The following FLNB variants were observed in gnomAD, a reference collection of about 807,000 sequenced individuals.
The protein encoded by FLNB is filamin B.
In FLNB, 111 loss-of-function variants were observed where a neutral mutation model predicts 250.6. The ratio of observed to expected loss-of-function variants is 0.44; its 90% CI spans 0.38 to 0.52. The LOEUF (loss-of-function observed/expected upper bound fraction) is 0.52. FLNB is among the 20% of genes least tolerant of loss of function. The pLI is 0.00. For synonymous variants in FLNB, 1,302 were observed against 1,372.1 expected (o/e 0.95, Z 1.13); for missense variants, 2,869 against 3,447.8 (o/e 0.83, Z 4.20).
At chr3:58,128,818 G>A (rs560441703) in intron 24 of FLNB, among the ~76,000 whole-genome samples, 11 of 152,256 alleles carry the variant, frequency 7.2e-5, no homozygotes, top group South Asian at 2.1e-4. Flanking sequence ...GCAAATGGTC[G>A]TCTTTGAGCA....
chr3:58,109,312 G>A lies in FLNB; in HGVS notation c.2189G>A (p.Ser730Asn), dbSNP rs1421774901. 3 of 1,613,634 alleles carry A rather than the reference G, an allele frequency of 1.9e-6. No homozygotes were observed. Among genetic ancestry groups the A allele is most frequent in the Non-Finnish European group, 1.7e-6 (2 of 1,179,846 alleles). ...VVWGGVNIPH[S>N]PYRVNIGQGS... Reference sequence around the variant, plus strand: ...TGGGGAGGCGTGAACATCCCGCACAGCCCCTACAGGGTAGGTTGTGAGGCA... The same window carrying A: ...TGGGGAGGCGTGAACATCCCGCACAACCCCTACAGGGTAGGTTGTGAGGCA... Residue 730 changes from serine to asparagine, a missense_variant, in exon 14 of 46, where the codon AGC becomes AAC. This residue lies in a region of FLNB where 1,348 missense variants were observed against 1,466.7 expected (regional missense o/e 0.92). Transcript: ENST00000295956.
At chr3:58,098,420 T>C (rs916954318) in intron 7 of FLNB, among the ~76,000 whole-genome samples, 1 of 152,176 alleles carries the variant, frequency 6.6e-6, no homozygotes, top group East Asian at 1.9e-4. Flanking sequence ...AACCTCCGCC[T>C]CCTGGGTTCA....
chr3:58,055,959 AAC>A (rs1338779777), intron 1 of FLNB, among the ~76,000 whole-genome samples: 1 of 152,150 alleles, frequency 6.6e-6, no homozygotes, highest in Non-Finnish European at 1.5e-5. Flanking sequence ...TGCTATCTAA[AAC>A]AGTCAATGAC....
chr3:58,161,444 C>T (rs144096953), intron 42 of FLNB, among the ~76,000 whole-genome samples: 14 of 152,186 alleles, frequency 9.2e-5, no homozygotes, highest in African/African-American at 2.4e-4. Flanking sequence ...TGGCCTCAGC[C>T]CCAACAGTCC....
At chr3:58,038,111 C>A (rs551141176) in intron 1 of FLNB, among the ~76,000 whole-genome samples, 129 of 152,196 alleles carry the variant, frequency 8.5e-4, no homozygotes, top group Middle Eastern at 3.4e-3. Flanking sequence ...CTCATTGCAG[C>A]ATTTGCCTCC....
In FLNB at chr3:58,138,411, T is replaced by G. The variant is rs2097320302; in HGVS notation, c.4991T>G (p.Val1664Gly). Residue 1664 changes from valine to glycine, a missense_variant, in exon 29 of 46, where the codon GTC (valine) becomes GGC (glycine). Coordinates refer to ENST00000295956, the MANE Select transcript of FLNB (RefSeq NM_001457.4). ...TPDGTEAEADVIENEDGTYDI... is the reference protein window; with the variant it reads ...TPDGTEAEADGIENEDGTYDI... ...GATGGCACTGAGGCCGAGGCCGATG[T>G]CATTGAGAATGAAGATGGAACCTAT... 6.2e-7 allele frequency: 1 copy of G among 1,614,100 alleles called. No individual in the cohort carries two copies. The highest frequency in any genetic ancestry group is 8.5e-7 in the Non-Finnish European group (1 of 1,180,038).
In FLNB at chr3:58,119,031, C is replaced by G. The variant is rs1396298680; in HGVS notation, c.2863+42C>G. The G allele has an allele frequency of 3.0e-6, 4 of 1,347,050 alleles. No individual in the cohort carries two copies. The Admixed American group carries it at 5.0e-5, about 17-fold the overall frequency. The allele number at this position is 1,347,050 out of a possible 1,614,324, so 83.4% of individuals were successfully genotyped here. ...AGAGCAGATGGGTTGTTGATGACCC[C>G]CCAACGTGGCTGCTGGTTAGATTTT... On this transcript the variant is annotated intron_variant, in intron 19 of 45. Transcript: ENST00000295956.
At chr3:58,135,655 A>T (rs1326490235) in intron 27 of FLNB, among the ~76,000 whole-genome samples, 1 of 152,168 alleles carries the variant, frequency 6.6e-6, no homozygotes, top group Non-Finnish European at 1.5e-5. Context: ...GTTAATAAAG[A>T]GAAAAGGGAG....
At chr3:58,077,964 T>A (rs1488193983) in intron 2 of FLNB, among the ~76,000 whole-genome samples, 2 of 151,990 alleles carry the variant, frequency 1.3e-5, no homozygotes, top group Non-Finnish European at 2.9e-5. Flanking sequence ...AAAGTTGATT[T>A]TAATAAAAAA....
chr3:58,116,141 C>T (rs180815824), intron 18 of FLNB, among the ~76,000 whole-genome samples: 83 of 152,194 alleles, frequency 5.5e-4, no homozygotes, highest in African/African-American at 1.9e-3. Context: ...ATGCCAACAC[C>T]TCCTCATTCT....
At chr3:58,110,567 C>T (rs2097266845) in intron 16 of FLNB, among the ~76,000 whole-genome samples, 1 of 152,134 alleles carries the variant, frequency 6.6e-6, no homozygotes, top group Non-Finnish European at 1.5e-5. Context: ...TCTCCTGCCT[C>T]AGCCTCCCAA....
chr3:58,127,903 G>A (rs2097300574), intron 24 of FLNB, among the ~76,000 whole-genome samples: 1 of 151,950 alleles, frequency 6.6e-6, no homozygotes, highest in Non-Finnish European at 1.5e-5. Context: ...TTACATGGAT[G>A]AATTCTATAG....
intron 4 of FLNB, among the ~76,000 whole-genome samples, chr3:58,091,597 T>C (rs1269170568): frequency 4.6e-5 from 7 of 151,656 alleles, no homozygotes; most frequent in African/African-American, 2.4e-5. Context: ...AGGCAAATAG[T>C]TCTCAGATTT....
chr3:58,098,640 ATTTT>A lies in FLNB; in HGVS notation c.1148-70_1148-67del. Reference sequence around the variant, plus strand: ...GAGCCACCACACTGGTCCTGTTTGCATTTTGCACTCAGCAGCAGTGAGCTTTCAG... The same window carrying A: ...GAGCCACCACACTGGTCCTGTTTGCAGCACTCAGCAGCAGTGAGCTTTCAG... On this transcript the variant is annotated intron_variant, in intron 7 of 45. Coordinates refer to ENST00000295956, the MANE Select transcript of FLNB (RefSeq NM_001457.4). The A allele has an allele frequency of 2.7e-6, 4 of 1,485,760 alleles. No homozygotes were observed. The South Asian group carries it at 4.6e-5, about 17-fold the overall frequency. The allele number at this position is 1,485,760 out of a possible 1,614,324, so 92.0% of individuals were successfully genotyped here.
intron 19 of FLNB, among the ~76,000 whole-genome samples, chr3:58,120,248 C>T (rs375151685): frequency 6.6e-6 from 1 of 152,214 alleles, no homozygotes; most frequent in East Asian, 1.9e-4. Flanking sequence ...AGTGTGTAAA[C>T]GTCCACTGCC....
chr3:58,154,903 T>C lies in FLNB; in HGVS notation c.6747T>C (p.Gly2249=). The C allele has an allele frequency of 1.2e-6, 2 of 1,614,026 alleles. No individual in the cohort carries two copies. The highest frequency in any genetic ancestry group is 1.1e-5 in the South Asian group (1 of 91,068). The change falls in exon 40 of 46, where the codon GGT becomes GGC. Residue 2249 remains glycine (G), a synonymous_variant. Transcript: ENST00000295956. ...ATGACCATAAAAATGGGTCGTGCGG[T>C]GTATCTTATATTGCCCAAGAGCCTG... is the stretch of plus-strand genomic sequence containing the variant. The part of the protein sequence containing the change: ...TFDDHKNGSC[G]VSYIAQEPGN...
In FLNB at chr3:58,169,555, C is replaced by T. The variant is rs747788879; in HGVS notation, c.7418-35C>T. The T allele has an allele frequency of 5.8e-6, 9 of 1,560,086 alleles. No individual in the cohort carries two copies. The highest frequency in any genetic ancestry group is 8.0e-6 in the Non-Finnish European group (9 of 1,130,696). Reference sequence around the variant, plus strand: ...GCTGAGAGACCCCTCTTGATCTGGCCATTCATGCCTGTCCCCCTCCCTCCT... The same window carrying T: ...GCTGAGAGACCCCTCTTGATCTGGCTATTCATGCCTGTCCCCCTCCCTCCT... On this transcript the variant is annotated intron_variant, in intron 44 of 45. Coordinates refer to ENST00000295956, the MANE Select transcript of FLNB (RefSeq NM_001457.4). The surrounding 1 kb of genome is among the most constrained non-coding windows in gnomAD (Gnocchi z 4.8).
In FLNB at chr3:58,148,262, G is replaced by C. The variant is rs146685642; in HGVS notation, c.5785G>C (p.Asp1929His). 13 of 1,614,166 alleles carry C rather than the reference G, an allele frequency of 8.1e-6. 1 individual carries two copies. The South Asian group carries it at 1.1e-4, about 14-fold the overall frequency. The change falls in exon 35 of 46, where the codon GAC becomes CAC. Residue 1929 changes from aspartate to histidine, a missense_variant. This residue lies in a region of FLNB where 1,084 missense variants were observed against 1,315.5 expected (regional missense o/e 0.82). Transcript: ENST00000295956. Reference protein sequence around the residue: ...KLGSAADFLLDISETDLSSLT... With the variant: ...KLGSAADFLLHISETDLSSLT... The stretch of plus-strand genomic sequence containing the variant: ...GGGCTCAGCCGCTGACTTCCTGCTC[G>C]ACATCAGTGAGACTGACCTCAGCAG...
intron 1 of FLNB, 51 bp downstream of exon 1, chr3:58,008,907 C>G (rs753967358): frequency 4.4e-6 from 7 of 1,603,870 alleles, no homozygotes; most frequent in Non-Finnish European, 5.1e-6. Flanking sequence ...GACCCGCCCC[C>G]GCGCGTGCAC....
Sources: gnomAD v4.1 joint callset for allele counts (sites outside exome capture counted in the v4.1 genomes callset) on GRCh38, gnomAD v4.1.1 for gene constraint, gnomAD v4.1.1 regional missense constraint, Gnocchi (gnomAD v3.1) non-coding constraint, MANE v1.5 for transcripts, NCBI Gene and HGNC (gene_info 2026-07-23, HGNC 2026-07-21) for gene names.